The following TEC variants were observed in gnomAD, a reference collection of about 807,000 sequenced individuals.
TEC encodes the protein tyrosine-protein kinase Tec.
In TEC, 72 loss-of-function variants were observed where a neutral mutation model predicts 93.0. That is an observed-to-expected ratio of 0.77 (90% CI 0.64 to 0.94). The LOEUF is 0.94. Ranked by LOEUF, TEC falls within the 40% of genes least tolerant of loss-of-function variation. The pLI, the probability that TEC is intolerant of heterozygous loss-of-function variation, is 0.00. For synonymous variants in TEC, 249 were observed against 247.7 expected, an observed-to-expected ratio of 1.01 and a Z score of -0.05; for missense variants, 630 against 757.9, an observed-to-expected ratio of 0.83 and a Z score of 1.98.
At chr4:48,140,374 T>C (rs1194716607) in intron 15 of TEC, among the ~76,000 whole-genome samples, 1 of 152,234 alleles carries the variant, frequency 6.6e-6, no homozygotes, top group Non-Finnish European at 1.5e-5. Context: ...CTACACTGGC[T>C]ACTTCCTACC....
chr4:48,256,372 C>CT (rs1724344070), intron 1 of TEC, among the ~76,000 whole-genome samples: 1 of 151,436 alleles, frequency 6.6e-6, no homozygotes, highest in African/African-American at 2.4e-5. Flanking sequence ...TCGCTTGAGC[C>CT]TAGGAGTTCG....
At position 48,146,274 on chromosome 4, in the gene TEC, T is replaced by C. The variant is rs779264366; in HGVS notation, c.1081+51A>G. 11 of 1,544,744 alleles carry C rather than the reference T, an allele frequency of 7.1e-6. No individual in the cohort carries two copies. The East Asian group carries it at 2.2e-4, about 32-fold the overall frequency. Reference sequence around the variant, plus strand: ...CACATCCAAATTTATCTTATGACAATGGATTCTTTTCAAGGAAAATTAGCT... The same window carrying C: ...CACATCCAAATTTATCTTATGACAACGGATTCTTTTCAAGGAAAATTAGCT... On this transcript the variant is annotated intron_variant, in intron 12 of 17. Coordinates refer to ENST00000381501, the MANE Select transcript of TEC (RefSeq NM_003215.3).
chr4:48,188,264 T>C (rs890699905), intron 2 of TEC, among the ~76,000 whole-genome samples: 2 of 152,166 alleles, frequency 1.3e-5, no homozygotes, highest in African/African-American at 4.8e-5. Flanking sequence ...AAACTTTCTA[T>C]TGTGGTAAGG....
At chr4:48,217,473 C>G (rs893181042) in intron 2 of TEC, among the ~76,000 whole-genome samples, 3 of 152,170 alleles carry the variant, frequency 2.0e-5, no homozygotes, top group Non-Finnish European at 4.4e-5. Flanking sequence ...GGGACACCTT[C>G]AGCTCCTAAT....
chr4:48,179,376 A>G (rs13137949), intron 2 of TEC, among the ~76,000 whole-genome samples: 1 of 21,164 alleles, frequency 4.7e-5, no homozygotes, highest in Non-Finnish European at 8.4e-5. Context: ...ATATATATAT[A>G]TTTTTTTTTT....
At chr4:48,152,523 C>A (rs1720216836) in intron 9 of TEC, among the ~76,000 whole-genome samples, 1 of 152,064 alleles carries the variant, frequency 6.6e-6, no homozygotes. Flanking sequence ...TTATTCTGTT[C>A]TAATGTTCTA....
At chr4:48,209,609 T>C (rs1390787763) in intron 2 of TEC, among the ~76,000 whole-genome samples, 8 of 151,942 alleles carry the variant, frequency 5.3e-5, no homozygotes, top group Non-Finnish European at 7.4e-5. Context: ...TGAGACTTTG[T>C]CTCAAAAAAA....
At chr4:48,161,662 G>A (rs1017850750) in intron 8 of TEC, among the ~76,000 whole-genome samples, 3 of 148,488 alleles carry the variant, frequency 2.0e-5, no homozygotes, top group African/African-American at 7.5e-5. Flanking sequence ...AATATTGAGT[G>A]TCAACTTGAT....
intron 11 of TEC, among the ~76,000 whole-genome samples, 177 bp downstream of exon 11, chr4:48,149,380 G>T (rs1720061526): frequency 6.6e-6 from 1 of 152,064 alleles, no homozygotes; most frequent in Non-Finnish European, 1.5e-5. Flanking sequence ...TATAAAACTT[G>T]ATATTATTTC....
intron 11 of TEC, 53 bp downstream of exon 11, chr4:48,149,504 G>T: frequency 1.3e-6 from 2 of 1,484,226 alleles, no homozygotes; most frequent in South Asian, 1.4e-5. Context: ...CACAGTATCT[G>T]ATCATTTTAA....
intron 2 of TEC, among the ~76,000 whole-genome samples, chr4:48,221,074 A>G (rs1723243739): frequency 6.6e-6 from 1 of 152,230 alleles, no homozygotes. Flanking sequence ...ACTTACTATT[A>G]TCAACTTATT....
intron 2 of TEC, among the ~76,000 whole-genome samples, chr4:48,204,951 G>A (rs900251512): frequency 8.5e-5 from 13 of 152,134 alleles, no homozygotes; most frequent in African/African-American, 1.7e-4. Flanking sequence ...CAAACCTGGC[G>A]GTGGTCTTGG....
In TEC at chr4:48,228,763, A is replaced by T. The variant is rs552365150; in HGVS notation, c.-45-104T>A. ...GCTTCACCCTCACCCCTGCTGGAGC[A>T]GATGAGTATTGATCTCTGTGCCCAA... is the stretch of plus-strand genomic sequence containing the variant. On this transcript the variant is annotated intron_variant, in intron 1 of 17. Coordinates refer to ENST00000381501, the MANE Select transcript of TEC (RefSeq NM_003215.3). 5 of 966,580 alleles carry T rather than the reference A, an allele frequency of 5.2e-6. No homozygotes were observed. The South Asian group carries it at 8.8e-5, about 17-fold the overall frequency. The allele number at this position is 966,580 out of a possible 1,614,324, so 59.9% of individuals were successfully genotyped here.
Position 48,176,133 on chromosome 4 carries a change from T to C in TEC, c.192A>G (p.Ile64Met). ...IDVSKIKCVE[I>M]VKNDDGVIPC... is the part of the protein sequence containing the mutation. ...GAATGACACCATCATCATTCTTCAC[T>C]ATTTCCACACACTTGATTTTTGAAA... The change falls in exon 3 of 18, where the codon ATA becomes ATG. Residue 64 changes from isoleucine to methionine, a missense_variant. This residue lies in a region of TEC where 335 missense variants were observed against 351.5 expected (regional missense o/e 0.95). Coordinates refer to ENST00000381501, the MANE Select transcript of TEC (RefSeq NM_003215.3). The C allele has an allele frequency of 6.2e-7, 1 of 1,613,960 alleles. No individual in the cohort carries two copies. The highest frequency in any genetic ancestry group is 8.5e-7 in the Non-Finnish European group (1 of 1,179,932).
intron 2 of TEC, among the ~76,000 whole-genome samples, chr4:48,176,782 G>A (rs1721348409): frequency 6.6e-6 from 1 of 152,082 alleles, no homozygotes; most frequent in Non-Finnish European, 1.5e-5. Context: ...GCCCCTGCCA[G>A]ATACACAATT....
chr4:48,178,071 G>A (rs1721406270), intron 2 of TEC, among the ~76,000 whole-genome samples: 1 of 152,100 alleles, frequency 6.6e-6, no homozygotes, highest in Admixed American at 6.5e-5. Flanking sequence ...CCCCAGTTCC[G>A]TCCACACCTT....
At position 48,167,802 on chromosome 4, in the gene TEC, C is replaced by G. The variant is rs566875728; in HGVS notation, c.647G>C (p.Trp216Ser). The G allele has an allele frequency of 1.9e-6, 3 of 1,613,806 alleles. No individual in the cohort carries two copies. The highest frequency in any genetic ancestry group is 1.1e-5 in the South Asian group (1 of 91,060). Residue 216 changes from tryptophan (W) to serine (S), a missense_variant, in exon 7 of 18, where the codon TGG becomes TCG. By Grantham distance (177) the Trp-to-Ser change is radical. This residue lies in a region of TEC where 335 missense variants were observed against 351.5 expected (regional missense o/e 0.95). Coordinates refer to ENST00000381501, the MANE Select transcript of TEC (RefSeq NM_003215.3). ...YLILEKNDVHWWRARDKYGNE... is the reference protein window; with the variant it reads ...YLILEKNDVHSWRARDKYGNE... ...CCCATATTTATCTCTTGCTCTCCAC[C>G]AATGAACATCATTCTTTTCTAAAAT...
At chr4:48,180,820 C>T (rs981814709) in intron 2 of TEC, among the ~76,000 whole-genome samples, 4 of 152,102 alleles carry the variant, frequency 2.6e-5, no homozygotes, top group South Asian at 4.2e-4. Context: ...TGCAGTACTG[C>T]GGTGTGTTTT....
rs150470803 is a variant in TEC at position 48,242,393 on chromosome 4, G to A, written c.-45-13734C>T. Reference sequence around the variant, plus strand: ...ATTGGGTATTCGGTAAGTATTTATCGGATGACAATGATTTCACTTTATCTA... The same window carrying A: ...ATTGGGTATTCGGTAAGTATTTATCAGATGACAATGATTTCACTTTATCTA... On this transcript the variant is annotated intron_variant, in intron 1 of 17. Transcript: ENST00000381501. 4.4e-3 allele frequency among the ~76,000 whole-genome samples: 666 copies of A among 152,218 alleles called. 9 individuals carry two copies. Among genetic ancestry groups the A allele is most frequent in the African/African-American group, 0.015 (621 of 41,518 alleles).
Sources: allele counts gnomAD v4.1 joint callset (sites outside exome capture counted in the v4.1 genomes callset), GRCh38; gene constraint gnomAD v4.1.1; regional missense constraint gnomAD v4.1.1; transcripts MANE v1.5; gene names NCBI Gene and HGNC (gene_info 2026-07-23, HGNC 2026-07-21).